Variants in ANKS1A observed in about 807,000 individuals in gnomAD.
The protein encoded by ANKS1A is ankyrin repeat and SAM domain-containing protein 1A.
Under a neutral mutation model 120.3 loss-of-function variants are expected in ANKS1A, and 55 were observed. That is an observed-to-expected ratio of 0.46 (90% CI 0.37 to 0.57). The LOEUF is 0.57. Ranked by LOEUF, ANKS1A falls within the 20% of genes least tolerant of loss-of-function variation. ANKS1A has a pLI of 0.00. For synonymous variants in ANKS1A, 590 were observed against 604.7 expected, an observed-to-expected ratio of 0.98 and a Z score of 0.36; for missense variants, 1,123 against 1,480.3, an observed-to-expected ratio of 0.76 and a Z score of 3.96.
intron 13 of ANKS1A, among the ~76,000 whole-genome samples, chr6:35,062,157 TGC>T (rs1299297975): frequency 2.6e-5 from 4 of 152,368 alleles, no homozygotes; most frequent in Non-Finnish European, 5.9e-5. Context: ...TCTGTTCCTA[TGC>T]TAGAAGGACC....
chr6:35,015,998 G>A (rs912882224), intron 10 of ANKS1A, among the ~76,000 whole-genome samples: 2 of 152,220 alleles, frequency 1.3e-5, no homozygotes, highest in Non-Finnish European at 2.9e-5. Context: ...ACCCAGGCAG[G>A]CATCTCACAT....
intron 1 of ANKS1A, among the ~76,000 whole-genome samples, chr6:34,900,213 G>A (rs1039207305): frequency 3.3e-5 from 5 of 152,182 alleles, no homozygotes; most frequent in African/African-American, 1.2e-4. Flanking sequence ...TGCAGAGCCT[G>A]GCATCTTTGT....
intron 12 of ANKS1A, among the ~76,000 whole-genome samples, chr6:35,056,949 G>A (rs1344698413): frequency 6.6e-6 from 1 of 151,930 alleles, no homozygotes; most frequent in Non-Finnish European, 1.5e-5. Context: ...TGGAATCACT[G>A]TTTATTTTGA....
intron 1 of ANKS1A, among the ~76,000 whole-genome samples, chr6:34,950,621 G>A (rs1352379713): frequency 2.6e-5 from 4 of 152,174 alleles, no homozygotes; most frequent in African/African-American, 9.7e-5. Context: ...TGATAGCCAA[G>A]GAGCAAGGTG....
intron 1 of ANKS1A, among the ~76,000 whole-genome samples, chr6:34,939,546 C>A (rs143184232): frequency 6.6e-6 from 1 of 152,006 alleles, no homozygotes; most frequent in African/African-American, 2.4e-5. Context: ...TTCAAGTAAT[C>A]GGAAATAAGA....
rs1034810121 is a variant in ANKS1A at position 35,003,812 on chromosome 6, A to C, written c.1423+9390A>C. On this transcript the variant is annotated intron_variant, in intron 10 of 23. Coordinates refer to ENST00000360359, the MANE Select transcript of ANKS1A (RefSeq NM_015245.3). ...CCCACTAATAAAAAGTGAGAGTCTC[A>C]AAGAGGGGAAATGAGGGAAGAGAGA... Among the ~76,000 whole-genome samples the C allele has an allele frequency of 2.6e-5, 4 of 152,222 alleles. No homozygotes were observed. In the East Asian group the frequency reaches 7.7e-4, roughly 29 times the overall value.
intron 11 of ANKS1A, chr6:35,039,778 G>A: frequency 2.8e-6 from 1 of 353,880 alleles, no homozygotes; most frequent in Non-Finnish European, 5.7e-6. Context: ...CCCTCGAGAG[G>A]CCTAAGTCAT....
chr6:35,018,297 G>T (rs1774151737), intron 11 of ANKS1A, among the ~76,000 whole-genome samples: 1 of 152,240 alleles, frequency 6.6e-6, no homozygotes, highest in African/African-American at 2.4e-5. Flanking sequence ...GCAGAGCAGG[G>T]CTGAGGGAGG....
chr6:35,078,475 GC>G, intron 13 of ANKS1A, 82 bp from the exon 14 acceptor site: 1 of 1,245,722 alleles, frequency 8.0e-7, no homozygotes. Flanking sequence ...TTGGTGCAGG[GC>G]CCTGAAAGGC....
chr6:35,007,236 T>G (rs972381895), intron 10 of ANKS1A, among the ~76,000 whole-genome samples: 6 of 152,120 alleles, frequency 3.9e-5, no homozygotes, highest in South Asian at 4.1e-4. Context: ...AGGACAGTCC[T>G]TCACAGTGAG....
At chr6:34,929,388 G>A (rs1768865464) in intron 1 of ANKS1A, among the ~76,000 whole-genome samples, 1 of 152,222 alleles carries the variant, frequency 6.6e-6, no homozygotes, top group African/African-American at 2.4e-5. Flanking sequence ...TCCCTGTTTA[G>A]CAGTATCTGC....
chr6:35,001,583 C>T (rs1293814174), intron 10 of ANKS1A, among the ~76,000 whole-genome samples: 2 of 152,258 alleles, frequency 1.3e-5, no homozygotes, highest in Non-Finnish European at 2.9e-5. Flanking sequence ...CATCTCCCAA[C>T]ACTAGGTTCA....
At chr6:34,907,553 A>G (rs994517667) in intron 1 of ANKS1A, among the ~76,000 whole-genome samples, 3 of 152,218 alleles carry the variant, frequency 2.0e-5, no homozygotes, top group African/African-American at 7.2e-5. Context: ...AGTGGACCCA[A>G]GCAGTTCCAA....
At chr6:35,016,376 T>C (rs1449642104) in intron 10 of ANKS1A, among the ~76,000 whole-genome samples, 1 of 152,208 alleles carries the variant, frequency 6.6e-6, no homozygotes, top group Non-Finnish European at 1.5e-5. Flanking sequence ...ATCCCACTTA[T>C]AGAGAAGGTT....
At chr6:34,909,028 A>C (rs1561841449) in intron 1 of ANKS1A, among the ~76,000 whole-genome samples, 1 of 152,228 alleles carries the variant, frequency 6.6e-6, no homozygotes, top group Non-Finnish European at 1.5e-5. Context: ...TGTTATCATC[A>C]TGAAGATAAC....
chr6:34,920,890 C>A (rs183442226), intron 1 of ANKS1A, among the ~76,000 whole-genome samples: 1 of 152,312 alleles, frequency 6.6e-6, no homozygotes, highest in African/African-American at 2.4e-5. Flanking sequence ...CAGGGCCTTA[C>A]TACCTCTTCT....
In ANKS1A at chr6:34,991,541, TACACACACACACACAC is replaced by T. The variant is rs149416311; in HGVS notation, c.1302+2249_1302+2264del. 9.7e-4 allele frequency among the ~76,000 whole-genome samples: 134 copies of T among 138,442 alleles called. 1 individual carries two copies. The highest frequency in any genetic ancestry group is 2.5e-3 in the African/African-American group (90 of 35,574). The allele number at this position is 138,442 out of a possible 152,430, so 90.8% of individuals were successfully genotyped here. A position where few individuals can be genotyped will look rare whatever the true frequency, so the allele number is the denominator to read the frequency against. Reference sequence around the variant, plus strand: ...ACATAGCCGGGAAAAAAAAAATATATACACACACACACACACACACACACACACACACACACACATA... The same window carrying T: ...ACATAGCCGGGAAAAAAAAAATATATACACACACACACACACACACACATA... On this transcript the variant is annotated intron_variant, in intron 9 of 23. Transcript: ENST00000360359.
intron 1 of ANKS1A, among the ~76,000 whole-genome samples, chr6:34,897,274 G>C (rs1257975186): frequency 6.6e-6 from 1 of 152,084 alleles, no homozygotes; most frequent in African/African-American, 2.4e-5. Context: ...GCATGTTCAC[G>C]GGTCATAGGA....
chr6:34,918,528 A>AGG (rs1341918746), intron 1 of ANKS1A, among the ~76,000 whole-genome samples: 3 of 152,234 alleles, frequency 2.0e-5, no homozygotes, highest in Non-Finnish European at 4.4e-5. Context: ...GCTGCCACCA[A>AGG]GCTCATCCCC....
Sources: allele counts gnomAD v4.1 joint callset (sites outside exome capture counted in the v4.1 genomes callset), GRCh38; gene constraint gnomAD v4.1.1; transcripts MANE v1.5; gene names NCBI Gene and HGNC (gene_info 2026-07-23, HGNC 2026-07-21).